The following SLC12A5 variants were observed in gnomAD, a reference collection of about 807,000 sequenced individuals.
SLC12A5 encodes the protein solute carrier family 12 member 5.
SLC12A5 carries 18 observed loss-of-function variants against 124.0 expected under a neutral mutation model. The ratio of observed to expected loss-of-function variants is 0.15; its 90% CI spans 0.10 to 0.22. The LOEUF (loss-of-function observed/expected upper bound fraction) is 0.22, where lower values mean the gene tolerates loss of function less well. Among genes scored for constraint, SLC12A5 ranks in the 10% least tolerant of loss-of-function variants. The pLI is 1.00. For missense variants in SLC12A5, 867 were observed against 1,478.7 expected, an observed-to-expected ratio of 0.59 and a Z score of 6.78; for synonymous variants, 589 against 568.0, an observed-to-expected ratio of 1.04 and a Z score of -0.53.
chr20:46,032,009 G>A (rs2145478296), intron 1 of SLC12A5, among the ~76,000 whole-genome samples: 1 of 152,360 alleles, frequency 6.6e-6, no homozygotes, highest in East Asian at 1.9e-4. Context: ...GACAAGTCCC[G>A]GGAGCCTGGC....
intron 7 of SLC12A5, 196 bp downstream of exon 7, chr20:46,040,810 G>C (rs1468913205): frequency 1.1e-5 from 9 of 799,078 alleles, no homozygotes; most frequent in African/African-American, 1.7e-5. Flanking sequence ...TTCTGGAGGA[G>C]GGAACAATTT....
chr20:46,059,324 G>A lies in SLC12A5; in HGVS notation c.*1719G>A, dbSNP rs2084729735. On this transcript the variant is annotated 3_prime_UTR_variant, in exon 26 of 26. Transcript: ENST00000243964. ...GCTGGCGCCACCCAGACAGCGTCAG[G>A]TGTGGCTGGGGTAGGTTTGGAGGTC... 1 of 368,200 alleles carries A rather than the reference G, an allele frequency of 2.7e-6. No homozygotes were observed. Among genetic ancestry groups the A allele is most frequent in the Non-Finnish European group, 4.8e-6 (1 of 207,570 alleles). The allele number at this position is 368,200 out of a possible 1,614,324, so 22.8% of individuals were successfully genotyped here. A position where few individuals can be genotyped will look rare whatever the true frequency, so the allele number is the denominator to read the frequency against.
chr20:46,031,371 C>G (rs925932099), intron 1 of SLC12A5, among the ~76,000 whole-genome samples: 6 of 152,108 alleles, frequency 3.9e-5, no homozygotes, highest in Non-Finnish European at 8.8e-5. Context: ...TGCTGTGGGT[C>G]CCAGAGAGAG....
chr20:46,031,935 C>T (rs866886063), intron 1 of SLC12A5, among the ~76,000 whole-genome samples: 7 of 152,248 alleles, frequency 4.6e-5, no homozygotes, highest in Non-Finnish European at 8.8e-5. Context: ...CTCGGAAGCT[C>T]ATTCCCCATC....
upstream of SLC12A5, chr20:46,029,085 C>T: frequency 7.6e-7 from 1 of 1,314,978 alleles, no homozygotes; most frequent in East Asian, 3.1e-5. Context: ...CCGCTCTCCC[C>T]CCAAAACCCC....
intron 1 of SLC12A5, among the ~76,000 whole-genome samples, chr20:46,034,240 T>A (rs566014297): frequency 6.6e-6 from 1 of 152,318 alleles, no homozygotes; most frequent in African/African-American, 2.4e-5. Context: ...TACTCATTCT[T>A]CAGCTCTCAG....
upstream of SLC12A5, among the ~76,000 whole-genome samples, chr20:46,027,429 T>G (rs182925888): frequency 6.6e-6 from 1 of 152,218 alleles, no homozygotes; most frequent in Non-Finnish European, 1.5e-5. Context: ...CAAGTAAAGC[T>G]GAGCCCTGGA....
Position 46,057,574 on chromosome 20 carries a change from G to C in SLC12A5, c.3320G>C (p.Gly1107Ala). 1 of 1,613,958 alleles carries C rather than the reference G, an allele frequency of 6.2e-7. No individual in the cohort carries two copies. The highest frequency in any genetic ancestry group is 8.5e-7 in the Non-Finnish European group (1 of 1,179,952). Reference protein sequence around the residue: ...HLDRVMLVRGGGREVITIYS With the variant: ...HLDRVMLVRGAGREVITIYS Reference sequence around the variant, plus strand: ...GACCGGGTGATGCTGGTCCGCGGCGGCGGCCGCGAGGTCATCACCATCTAC... The same window carrying C: ...GACCGGGTGATGCTGGTCCGCGGCGCCGGCCGCGAGGTCATCACCATCTAC... The change falls in exon 26 of 26, where the codon GGC (glycine) becomes GCC (alanine). Residue 1107 changes from glycine to alanine, a missense_variant. Physicochemically the swap from Gly to Ala is moderately conservative, Grantham distance 60 (BLOSUM62 0). Transcript: ENST00000243964. This position sits in a 1 kb window ranked among gnomAD's most constrained non-coding sequence, Gnocchi z 7.1.
intron 4 of SLC12A5, chr20:46,036,287 C>A: frequency 3.9e-6 from 1 of 254,074 alleles, no homozygotes; most frequent in East Asian, 7.7e-5. Context: ...GCATTGTAAC[C>A]AAATTCTTCC....
At chr20:46,032,356 G>T (rs1271742037) in intron 1 of SLC12A5, among the ~76,000 whole-genome samples, 1 of 152,236 alleles carries the variant, frequency 6.6e-6, no homozygotes, top group Non-Finnish European at 1.5e-5. Context: ...CTCCTGTCTG[G>T]TTGTCCTGGC....
At position 46,056,523 on chromosome 20, in the gene SLC12A5, T is replaced by C. The variant is rs767873232; in HGVS notation, c.3069T>C (p.Pro1023=). The change falls in exon 23 of 26, where the codon CCT becomes CCC. Residue 1023 remains proline (P), a synonymous_variant. Coordinates refer to ENST00000243964, the MANE Select transcript of SLC12A5 (RefSeq NM_020708.5). This position sits in a 1 kb window ranked among gnomAD's most constrained non-coding sequence, Gnocchi z 4.3. ...SVAEKNKGPS[P]VSSEGIKDFF... Reference sequence around the variant, plus strand: ...CAGAGAAGAATAAGGGCCCCAGTCCTGTCTCCTCTGAGGGCATCAAGGACT... The same window carrying C: ...CAGAGAAGAATAAGGGCCCCAGTCCCGTCTCCTCTGAGGGCATCAAGGACT... The C allele has an allele frequency of 6.2e-7, 1 of 1,614,166 alleles. No individual in the cohort carries two copies. Among genetic ancestry groups the C allele is most frequent in the Non-Finnish European group, 8.5e-7 (1 of 1,179,998 alleles).
chr20:46,024,055 T>C (rs2084377012), downstream of SLC12A5, among the ~76,000 whole-genome samples: 5 of 152,120 alleles, frequency 3.3e-5, no homozygotes, highest in South Asian at 1.0e-3. Flanking sequence ...TCACACTACT[T>C]CGCTGGGGTC....
chr20:46,053,547 G>T lies in SLC12A5; in HGVS notation c.2548-31G>T. 6.2e-7 allele frequency: 1 copy of T among 1,612,042 alleles called. No homozygotes were observed. The highest frequency in any genetic ancestry group is 1.1e-5 in the South Asian group (1 of 91,046). On this transcript the variant is annotated intron_variant, in intron 19 of 25. Coordinates refer to ENST00000243964, the MANE Select transcript of SLC12A5 (RefSeq NM_020708.5). The surrounding 1 kb of genome is among the most constrained non-coding windows in gnomAD (Gnocchi z 4.7). ...GGATCTCCTCATCACATCTGGGCTG[G>T]ACCTTTCTGAATCCCCTTCATCGCC...
At chr20:46,042,324 A>G (rs2084555138) in intron 8 of SLC12A5, among the ~76,000 whole-genome samples, 1 of 152,134 alleles carries the variant, frequency 6.6e-6, no homozygotes, top group African/African-American at 2.4e-5. Context: ...CTGGCTGCTA[A>G]TGTGGATGGG....
chr20:46,043,608 T>A (rs772842125), intron 9 of SLC12A5, 25 bp from the exon 10 acceptor site: 1 of 1,613,032 alleles, frequency 6.2e-7, no homozygotes, highest in African/African-American at 1.3e-5. Context: ...CTGGCTTGAG[T>A]CCTAGCTGCA....
upstream of SLC12A5, chr20:46,021,744 C>T: frequency 6.5e-7 from 1 of 1,533,794 alleles, no homozygotes; most frequent in Non-Finnish European, 8.7e-7. Context: ...CTTGCCGCGG[C>T]CGCCTGGCTC....
chr20:46,046,054 C>G, intron 13 of SLC12A5, 58 bp downstream of exon 13: 1 of 1,520,100 alleles, frequency 6.6e-7, no homozygotes, highest in Non-Finnish European at 9.1e-7. Context: ...TATCTGAATC[C>G]TGCAGCCGTT....
chr20:46,047,933 C>A (rs1480707223), intron 15 of SLC12A5, 48 bp from the exon 16 acceptor site: 1 of 1,528,490 alleles, frequency 6.5e-7, no homozygotes, highest in Non-Finnish European at 8.9e-7. Context: ...GTTCTCCCTG[C>A]CCCCTCCTGG....
chr20:46,027,719 C>T (rs1158326347), upstream of SLC12A5: 2 of 152,190 alleles, frequency 1.3e-5, no homozygotes, highest in Non-Finnish European at 2.9e-5. Context: ...CTTGTCTCTT[C>T]TATGGAGGCA....
Sources: allele counts gnomAD v4.1 joint callset (sites outside exome capture counted in the v4.1 genomes callset), GRCh38; gene constraint gnomAD v4.1.1; non-coding constraint Gnocchi (gnomAD v3.1); transcripts MANE v1.5; gene names NCBI Gene and HGNC (gene_info 2026-07-23, HGNC 2026-07-21).